The following EPHB1 variants were observed in gnomAD, a reference collection of about 807,000 sequenced individuals.
EPHB1 encodes the protein EPH receptor B1, also known as ephrin type-B receptor 1.
In EPHB1, 30 loss-of-function variants were observed where a neutral mutation model predicts 94.4. The observed-to-expected ratio is 0.32, with a 90% CI of 0.24 to 0.43. The LOEUF is 0.43. EPHB1 is among the 20% of genes least tolerant of loss of function. The probability of loss-of-function intolerance (pLI) is 1.00; values close to 1 mark genes in which losing one functional copy is unlikely to be tolerated. For missense variants in EPHB1, 1,055 were observed against 1,308.3 expected (o/e 0.81, Z 2.99); for synonymous variants, 522 against 489.1 (o/e 1.07, Z -0.89).
At chr3:135,234,426 A>G (rs1943601145) in intron 12 of EPHB1, among the ~76,000 whole-genome samples, 1 of 152,162 alleles carries the variant, frequency 6.6e-6, no homozygotes, top group African/African-American at 2.4e-5. Context: ...GGAAGTTCCA[A>G]ACTTGCCCAC....
intron 1 of EPHB1, among the ~76,000 whole-genome samples, chr3:134,825,696 A>G (rs2036463834): frequency 6.6e-6 from 1 of 152,038 alleles, no homozygotes. Flanking sequence ...GCTTGTTCTT[A>G]CTCAACCCAT....
intron 3 of EPHB1, among the ~76,000 whole-genome samples, chr3:135,053,077 T>C (rs1937240985): frequency 7.2e-6 from 1 of 138,834 alleles, no homozygotes; most frequent in Admixed American, 7.3e-5. Flanking sequence ...TTGGTTAATA[T>C]AATGTGTCAC....
At chr3:135,240,277 A>G (rs1298822958) in intron 12 of EPHB1, among the ~76,000 whole-genome samples, 2 of 152,158 alleles carry the variant, frequency 1.3e-5, no homozygotes, top group Non-Finnish European at 2.9e-5. Context: ...TCTCAGCAGG[A>G]CCTGGCACAA....
intron 1 of EPHB1, among the ~76,000 whole-genome samples, chr3:134,913,176 A>G (rs1000842994): frequency 1.3e-5 from 2 of 152,122 alleles, no homozygotes; most frequent in Non-Finnish European, 2.9e-5. Flanking sequence ...AAGTTGTGCT[A>G]AGAGTGGGGA....
At chr3:135,067,829 T>A (rs1419168938) in intron 3 of EPHB1, 1 of 152,252 alleles carries the variant, frequency 6.6e-6, no homozygotes, top group Non-Finnish European at 1.5e-5. Context: ...AATTTCCTGC[T>A]TGGGGAACCC....
In EPHB1 at chr3:135,254,609, G is replaced by A. The variant is rs187213507; in HGVS notation, c.2847-4403G>A. Among the ~76,000 whole-genome samples the A allele has an allele frequency of 3.5e-4, 54 of 152,188 alleles. 1 individual carries two copies. The highest frequency in any genetic ancestry group is 8.9e-4 in the African/African-American group (37 of 41,508). ...AGCTTTTTGATGTGCTGCTGGATTC[G>A]GTTTGCCAGTATTTTATTGAAGATT... On this transcript the variant is annotated intron_variant, in intron 15 of 15. Coordinates refer to ENST00000398015, the MANE Select transcript of EPHB1 (RefSeq NM_004441.5).
At chr3:134,993,282 A>G (rs1403108723) in intron 3 of EPHB1, among the ~76,000 whole-genome samples, 2 of 152,216 alleles carry the variant, frequency 1.3e-5, no homozygotes, top group African/African-American at 2.4e-5. Flanking sequence ...AAACAGATAG[A>G]TCTCATCCTG....
intron 3 of EPHB1, among the ~76,000 whole-genome samples, chr3:135,077,050 A>G (rs546480584): frequency 6.6e-6 from 1 of 152,232 alleles, no homozygotes; most frequent in Admixed American, 6.5e-5. Context: ...ATTTACTCAA[A>G]TTCATTGAAT....
intron 1 of EPHB1, among the ~76,000 whole-genome samples, chr3:134,912,781 A>G (rs1402379449): frequency 1.3e-5 from 2 of 152,136 alleles, no homozygotes; most frequent in Non-Finnish European, 2.9e-5. Context: ...CTGCCTACAG[A>G]TGTTTGATGC....
chr3:134,863,788 A>G (rs2037315642), intron 1 of EPHB1, among the ~76,000 whole-genome samples: 1 of 152,176 alleles, frequency 6.6e-6, no homozygotes. Context: ...TATAAAGTGG[A>G]GCTCAGGAAA....
At chr3:135,059,885 G>T (rs1490560263) in intron 3 of EPHB1, among the ~76,000 whole-genome samples, 2 of 152,132 alleles carry the variant, frequency 1.3e-5, no homozygotes, top group Admixed American at 1.3e-4. Context: ...TGTAAGAGAT[G>T]AGAATCCATC....
intron 1 of EPHB1, among the ~76,000 whole-genome samples, chr3:134,917,362 A>T (rs1435456407): frequency 6.6e-6 from 1 of 152,164 alleles, no homozygotes; most frequent in Non-Finnish European, 1.5e-5. Flanking sequence ...CCATGTCCCC[A>T]TGCTCTGGTC....
At chr3:135,200,276 G>A (rs190239205) in intron 11 of EPHB1, among the ~76,000 whole-genome samples, 103 of 152,308 alleles carry the variant, frequency 6.8e-4, no homozygotes, top group Middle Eastern at 3.4e-3. Context: ...TTTATTCACT[G>A]AAGAGTCTGT....
At chr3:134,965,791 G>A (rs1933718018) in intron 3 of EPHB1, among the ~76,000 whole-genome samples, 1 of 152,074 alleles carries the variant, frequency 6.6e-6, no homozygotes, top group Non-Finnish European at 1.5e-5. Context: ...AGCCCTGGAG[G>A]CTACCGATTG....
At chr3:135,218,926 G>A (rs937012460) in intron 12 of EPHB1, among the ~76,000 whole-genome samples, 2 of 152,220 alleles carry the variant, frequency 1.3e-5, no homozygotes, top group Non-Finnish European at 2.9e-5. Context: ...TAGGGGAAGA[G>A]CATGGCCAGT....
chr3:134,988,874 A>G (rs1206103561), intron 3 of EPHB1, among the ~76,000 whole-genome samples: 2 of 152,180 alleles, frequency 1.3e-5, no homozygotes, highest in African/African-American at 4.8e-5. Context: ...GTAGGAGAAA[A>G]GAGTAGAAGG....
chr3:135,067,533 C>T (rs72975574), intron 3 of EPHB1: 302 of 152,450 alleles, frequency 2.0e-3, no homozygotes, highest in African/African-American at 6.9e-3. Context: ...GCCTGTCTCA[C>T]TCCCACCATC....
At chr3:135,114,116 A>C (rs1258888401) in intron 4 of EPHB1, among the ~76,000 whole-genome samples, 1 of 152,198 alleles carries the variant, frequency 6.6e-6, no homozygotes, top group African/African-American at 2.4e-5. Flanking sequence ...GGTCTCCCCT[A>C]TGTGCACTTA....
At chr3:135,186,547 CT>C (rs1051594125) in intron 10 of EPHB1, among the ~76,000 whole-genome samples, 75 of 152,172 alleles carry the variant, frequency 4.9e-4, no homozygotes, top group African/African-American at 1.7e-3. Context: ...CTCTGCTTTC[CT>C]TTTTTTCCCC....
Sources: gnomAD v4.1 joint callset for allele counts (sites outside exome capture counted in the v4.1 genomes callset) on GRCh38, gnomAD v4.1.1 for gene constraint, MANE v1.5 for transcripts, NCBI Gene and HGNC (gene_info 2026-07-23, HGNC 2026-07-21) for gene names.